Variants in MTMR8 observed in about 807,000 individuals in gnomAD.
MTMR8 encodes the protein myotubularin related protein 8, also known as phosphatidylinositol-3,5-bisphosphate 3-phosphatase MTMR8.
A neutral mutation model predicts 39.3 loss-of-function variants in MTMR8; 65 were observed. That is an observed-to-expected ratio of 1.65 (90% CI 1.35 to 2.03). The LOEUF is 2.03. MTMR8 is among the 30% of genes most tolerant of loss of function. MTMR8 has a pLI of 0.00. For missense variants in MTMR8, 777 were observed against 538.9 expected, an observed-to-expected ratio of 1.44 and a Z score of -4.37; for synonymous variants, 245 against 185.2, an observed-to-expected ratio of 1.32 and a Z score of -2.62.
rs989356047 is a variant in MTMR8 at position 64,280,558 on chromosome X, G to A, written c.1482-9485C>T. On this transcript the variant is annotated intron_variant, in intron 12 of 13. Transcript: ENST00000374852. ...TGACAGAACATATCTCAAAATAATA[G>A]GAGTTATTTATGACAAACCCACAGC... 9.9e-5 allele frequency among the ~76,000 whole-genome samples: 11 copies of A among 111,139 alleles called. 1 individual carries two copies. In the South Asian group the frequency reaches 1.1e-3, roughly 12 times the overall value.
intron 1 of MTMR8, among the ~76,000 whole-genome samples, chrX:64,373,981 C>T (rs768116684): frequency 8.9e-6 from 1 of 111,835 alleles, no homozygotes; most frequent in Non-Finnish European, 1.9e-5. Context: ...TACCACAGAG[C>T]CAGACAACAG....
chrX:64,364,320 G>A, intron 1 of MTMR8, among the ~76,000 whole-genome samples: 1 of 112,296 alleles, frequency 8.9e-6, no homozygotes, highest in Admixed American at 9.3e-5. Flanking sequence ...GCCTAACTGG[G>A]AGACACCTCC....
rs201031558 is a variant in MTMR8 at position 64,336,123 on chromosome X, C to G, written c.1107G>C (p.Leu369Phe). Residue 369 changes from leucine to phenylalanine, a missense_variant, in exon 10 of 14, where the codon TTG becomes TTC. Coordinates refer to ENST00000374852, the MANE Select transcript of MTMR8 (RefSeq NM_017677.4). ...CCATGGATATCCATTCCTTCTCTAT[C>G]AAGATCTTCATTTTATAGAAAAGAA... Reference protein sequence around the residue: ...FYRTFKGLMILIEKEWISMGH... With the variant: ...FYRTFKGLMIFIEKEWISMGH... 1 of 1,180,549 alleles carries G rather than the reference C, an allele frequency of 8.5e-7. No homozygotes were observed. Among genetic ancestry groups the G allele is most frequent in the Non-Finnish European group, 1.1e-6 (1 of 875,204 alleles).
chrX:64,274,132 C>A (rs908442877), intron 12 of MTMR8, among the ~76,000 whole-genome samples: 1 of 111,437 alleles, frequency 9.0e-6, no homozygotes, highest in African/African-American at 3.3e-5. Context: ...GAATATTCAA[C>A]CCAATAACAG....
intron 12 of MTMR8, among the ~76,000 whole-genome samples, chrX:64,307,674 C>T (rs1922164245): frequency 9.0e-6 from 1 of 111,543 alleles, no homozygotes; most frequent in Non-Finnish European, 1.9e-5. Context: ...CTTAGCTATT[C>T]TACCTCCGCT....
intron 10 of MTMR8, 33 bp from the exon 11 acceptor site, chrX:64,331,790 C>A: frequency 1.8e-6 from 2 of 1,105,243 alleles, no homozygotes; most frequent in Non-Finnish European, 2.5e-6. Flanking sequence ...AAGAAAGACA[C>A]TAGTTAGCAT....
At chrX:64,392,277 G>A (rs775210924) in intron 1 of MTMR8, among the ~76,000 whole-genome samples, 40 of 112,108 alleles carry the variant, frequency 3.6e-4, no homozygotes, top group Non-Finnish European at 6.6e-4. Context: ...TGTACTATTG[G>A]CAAAAGGCAG....
At chrX:64,324,012 T>C (rs1922722645) in intron 12 of MTMR8, among the ~76,000 whole-genome samples, 1 of 112,329 alleles carries the variant, frequency 8.9e-6, no homozygotes, top group Non-Finnish European at 1.9e-5. Flanking sequence ...AATTAAACAT[T>C]TTAAAACCCA....
At chrX:64,330,450 A>G (rs1435437972) in intron 11 of MTMR8, among the ~76,000 whole-genome samples, 2 of 111,687 alleles carry the variant, frequency 1.8e-5, no homozygotes, top group African/African-American at 3.2e-5. Context: ...TCATCTTGCT[A>G]TGCTATAAAG....
intron 12 of MTMR8, among the ~76,000 whole-genome samples, chrX:64,292,836 G>GA (rs1921446141): frequency 9.0e-6 from 1 of 111,013 alleles, no homozygotes; most frequent in Non-Finnish European, 1.9e-5. Context: ...GTACAAGATG[G>GA]AAAAAAATGG....
intron 12 of MTMR8, among the ~76,000 whole-genome samples, chrX:64,321,536 T>C (rs1239054269): frequency 9.0e-6 from 1 of 111,219 alleles, no homozygotes; most frequent in Non-Finnish European, 1.9e-5. Flanking sequence ...ACCCTGTCTG[T>C]GAGACAAAAA....
intron 1 of MTMR8, among the ~76,000 whole-genome samples, chrX:64,394,601 C>A (rs1924774445): frequency 8.9e-6 from 1 of 111,867 alleles, no homozygotes; most frequent in African/African-American, 3.2e-5. Flanking sequence ...GGATTTGAAA[C>A]AGAAAGGGGC....
chrX:64,329,076 T>C (rs1156819806), intron 11 of MTMR8, among the ~76,000 whole-genome samples, 176 bp from the exon 12 acceptor site: 1 of 111,673 alleles, frequency 9.0e-6, no homozygotes, highest in Non-Finnish European at 1.9e-5. Flanking sequence ...AGTAACAAAT[T>C]ATCTGGGCTT....
Position 64,389,162 on chromosome X carries a change from A to G in MTMR8, c.24+6178T>C, listed in dbSNP as rs376386524. Among the ~76,000 whole-genome samples, 5 of 111,898 alleles carry G rather than the reference A, an allele frequency of 4.5e-5. 1 individual carries two copies. The East Asian group carries it at 8.4e-4, about 19-fold the overall frequency. ...GTAATACTTACATAAAGCACTTAGAATAGTACCTGGCACATAGCAATTGCT... is the reference window on the plus strand; with the variant it reads ...GTAATACTTACATAAAGCACTTAGAGTAGTACCTGGCACATAGCAATTGCT... On this transcript the variant is annotated intron_variant, in intron 1 of 13. Transcript: ENST00000374852.
At chrX:64,390,224 A>G (rs1431007865) in intron 1 of MTMR8, among the ~76,000 whole-genome samples, 2 of 112,448 alleles carry the variant, frequency 1.8e-5, no homozygotes, top group Non-Finnish European at 3.8e-5. Flanking sequence ...ATTTGGCCTT[A>G]GTTTCCTGGA....
intron 4 of MTMR8, among the ~76,000 whole-genome samples, chrX:64,351,691 G>A (rs1923491209): frequency 1.8e-5 from 2 of 111,561 alleles, no homozygotes; most frequent in East Asian, 2.9e-4. Flanking sequence ...GAAGGCCCGA[G>A]AGCCCCTGGC....
At chrX:64,335,882 C>T (rs1923060327) in intron 10 of MTMR8, among the ~76,000 whole-genome samples, 197 bp downstream of exon 10, 1 of 112,260 alleles carries the variant, frequency 8.9e-6, no homozygotes, top group Admixed American at 9.4e-5. Context: ...TCCTTGAAAA[C>T]AGGGATAATA....
intron 1 of MTMR8, among the ~76,000 whole-genome samples, chrX:64,376,309 T>C (rs1347375954): frequency 8.9e-6 from 1 of 112,142 alleles, no homozygotes; most frequent in African/African-American, 3.2e-5. Flanking sequence ...GACAGGAAGA[T>C]AAAAGTTTGG....
At chrX:64,304,392 T>C (rs1245743266) in intron 12 of MTMR8, among the ~76,000 whole-genome samples, 1 of 111,660 alleles carries the variant, frequency 9.0e-6, no homozygotes, top group Non-Finnish European at 1.9e-5. Context: ...ACATAGTCAC[T>C]CCAGGACTAG....
Sources: allele counts gnomAD v4.1 joint callset (sites outside exome capture counted in the v4.1 genomes callset), GRCh38; gene constraint gnomAD v4.1.1; transcripts MANE v1.5; gene names NCBI Gene and HGNC (gene_info 2026-07-23, HGNC 2026-07-21).